PIGN: variants seen among roughly 807,000 people sequenced by gnomAD.
The protein encoded by PIGN is GPI ethanolamine phosphate transferase 1.
Under a neutral mutation model 125.4 loss-of-function variants are expected in PIGN, and 117 were observed. That is an observed-to-expected ratio of 0.93 (90% CI 0.80 to 1.09). The LOEUF (loss-of-function observed/expected upper bound fraction) is 1.09, where lower values mean the gene tolerates loss of function less well. PIGN is among the 50% of genes least tolerant of loss of function. The pLI is 0.00. For missense variants in PIGN, 1,075 were observed against 1,094.9 expected (o/e 0.98, Z 0.26); for synonymous variants, 392 against 377.8 (o/e 1.04, Z -0.44).
intron 1 of PIGN, among the ~76,000 whole-genome samples, chr18:62,178,773 T>C (rs145952493): frequency 1.3e-5 from 2 of 152,300 alleles, no homozygotes; most frequent in African/African-American, 4.8e-5. Context: ...TTGTAAACTC[T>C]ATGTGACTTT....
chr18:62,113,446 G>T, intron 15 of PIGN, 130 bp from the exon 16 acceptor site: 4 of 598,820 alleles, frequency 6.7e-6, no homozygotes, highest in Non-Finnish European at 1.1e-5. Flanking sequence ...TGTAGATGAT[G>T]GATTAAGAAC....
chr18:62,174,451 T>C (rs2037450792), intron 1 of PIGN: 1 of 152,166 alleles, frequency 6.6e-6, no homozygotes, highest in South Asian at 2.1e-4. Flanking sequence ...AAATGGCATA[T>C]TATAAAGCAA....
intron 23 of PIGN, among the ~76,000 whole-genome samples, chr18:62,090,865 G>T (rs2146094829): frequency 6.6e-6 from 1 of 151,958 alleles, no homozygotes; most frequent in East Asian, 1.9e-4. Context: ...AGAGAAAGAA[G>T]GCATGAAGAC....
At chr18:62,162,432 G>GT (rs2036987709) in intron 2 of PIGN, 103 bp from the exon 3 acceptor site, 2 of 152,102 alleles carry the variant, frequency 1.3e-5, no homozygotes, top group Non-Finnish European at 2.9e-5. Context: ...CACCAAGGAT[G>GT]AGGTAATTTT....
Position 62,045,911 on chromosome 18 carries a change from AGCTGG to A in PIGN, c.2736_2740del (p.Gln913AlafsTer30). On this transcript the variant is annotated frameshift_variant, in exon 31 of 31. Transcript: ENST00000640252. LOFTEE classifies it high-confidence loss of function. Reference sequence around the variant, plus strand: ...TAGTCTGAGTTTCTTCGTTGTGAGCAGCTGGGCCAGGCCATTGAGGAACACCAAAA... The same window carrying A: ...TAGTCTGAGTTTCTTCGTTGTGAGCAGCCAGGCCATTGAGGAACACCAAAA... 1.2e-6 allele frequency: 2 copies of A among 1,613,860 alleles called. No individual in the cohort carries two copies. Among genetic ancestry groups the A allele is most frequent in the Non-Finnish European group, 1.7e-6 (2 of 1,179,812 alleles).
At chr18:62,026,535 G>A (rs1024680752) in intron 23 of PIGN, among the ~76,000 whole-genome samples, 2 of 152,144 alleles carry the variant, frequency 1.3e-5, no homozygotes, top group African/African-American at 4.8e-5. Flanking sequence ...AAGATAAATA[G>A]CAGCCTACAG....
chr18:62,171,315 T>C (rs1440752057), intron 1 of PIGN, among the ~76,000 whole-genome samples: 1 of 152,220 alleles, frequency 6.6e-6, no homozygotes, highest in Admixed American at 6.5e-5. Context: ...AACATTGATC[T>C]TTATATATTG....
intron 30 of PIGN, among the ~76,000 whole-genome samples, chr18:62,046,936 C>T (rs73964837): frequency 7.6e-4 from 115 of 152,232 alleles, no homozygotes; most frequent in African/African-American, 2.3e-3. Context: ...TCTTGGGACC[C>T]AAAGAATTTC....
chr18:62,090,393 AT>A, intron 24 of PIGN, 82 bp downstream of exon 24: 4 of 740,840 alleles, frequency 5.4e-6, no homozygotes, highest in Non-Finnish European at 8.6e-6. Flanking sequence ...AGTAGAAAGA[AT>A]TTTTGAAATA....
intron 14 of PIGN, among the ~76,000 whole-genome samples, chr18:62,126,041 A>G (rs17069492): frequency 0.021 from 3,140 of 152,182 alleles, 100 homozygotes; most frequent in East Asian, 0.12. Context: ...GTTTACAATT[A>G]AAACAGCATG....
At chr18:62,154,679 C>CT (rs2036659552) in intron 6 of PIGN, 28 bp from the exon 7 acceptor site, 1 of 1,015,796 alleles carries the variant, frequency 9.8e-7, no homozygotes, top group Non-Finnish European at 1.5e-6. Flanking sequence ...AAAAAATAAT[C>CT]TTTTTACAAA....
At chr18:62,047,938 A>C (rs12955000) in intron 30 of PIGN, among the ~76,000 whole-genome samples, 121 of 152,336 alleles carry the variant, frequency 7.9e-4, no homozygotes, top group Non-Finnish European at 1.4e-3. Flanking sequence ...AATTATGTAC[A>C]TACTAGAAAC....
chr18:62,050,455 T>C (rs2031180060), intron 30 of PIGN, among the ~76,000 whole-genome samples: 1 of 152,192 alleles, frequency 6.6e-6, no homozygotes, highest in African/African-American at 2.4e-5. Flanking sequence ...TTATTCTCTT[T>C]GAAGCAACTG....
At chr18:62,021,362 G>T (rs1293241963) in intron 23 of PIGN, among the ~76,000 whole-genome samples, 1 of 152,210 alleles carries the variant, frequency 6.6e-6, no homozygotes, top group Non-Finnish European at 1.5e-5. Flanking sequence ...AAGGTATCTT[G>T]TCACAGTTTT....
intron 30 of PIGN, among the ~76,000 whole-genome samples, chr18:62,066,543 T>A (rs1200834684): frequency 2.6e-5 from 4 of 152,234 alleles, no homozygotes; most frequent in African/African-American, 9.6e-5. Context: ...ATCCTGGGCC[T>A]CCTACTCAAG....
intron 22 of PIGN, 146 bp from the exon 23 acceptor site, chr18:62,096,096 A>T: frequency 8.2e-6 from 4 of 485,238 alleles, no homozygotes. Context: ...GGAGTTCGAG[A>T]CCAGCCTTGC....
intron 23 of PIGN, among the ~76,000 whole-genome samples, chr18:62,093,784 G>A (rs779340686): frequency 7.9e-5 from 12 of 151,850 alleles, no homozygotes; most frequent in East Asian, 3.8e-4. Context: ...ACTAATTTAC[G>A]TAGAGAACCC....
At chr18:62,065,477 G>A (rs1156454329) in intron 30 of PIGN, among the ~76,000 whole-genome samples, 3 of 152,162 alleles carry the variant, frequency 2.0e-5, no homozygotes, top group Non-Finnish European at 2.9e-5. Context: ...GGTGGCTCAC[G>A]CCTGTAATCC....
chr18:62,040,566 T>C (rs2030340710), downstream of PIGN, among the ~76,000 whole-genome samples: 2 of 152,190 alleles, frequency 1.3e-5, no homozygotes, highest in African/African-American at 4.8e-5. Flanking sequence ...CTTATCACTG[T>C]TGATGTTCAC....
Sources: allele counts gnomAD v4.1 joint callset (sites outside exome capture counted in the v4.1 genomes callset), GRCh38; gene constraint gnomAD v4.1.1; transcripts MANE v1.5; gene names NCBI Gene and HGNC (gene_info 2026-07-23, HGNC 2026-07-21).